Variants in MYRIP observed in about 807,000 individuals in gnomAD.
MYRIP encodes rab effector MyRIP.
In MYRIP, 49 loss-of-function variants were observed where a neutral mutation model predicts 98.0. The ratio of observed to expected loss-of-function variants is 0.50; its 90% CI spans 0.40 to 0.63. The LOEUF (loss-of-function observed/expected upper bound fraction) is 0.63. Ranked by LOEUF, MYRIP falls within the 30% of genes least tolerant of loss-of-function variation. The pLI is 0.00. For missense variants in MYRIP, 1,004 were observed against 1,058.2 expected (o/e 0.95, Z 0.71); for synonymous variants, 404 against 409.5 (o/e 0.99, Z 0.16).
intron 3 of MYRIP, among the ~76,000 whole-genome samples, chr3:40,080,791 C>CTT (rs34610302): frequency 0.012 from 1,126 of 93,374 alleles, 2 homozygotes; most frequent in Non-Finnish European, 0.015. Flanking sequence ...ATCCTAACTT[C>CTT]TTTTTTTTTT....
At chr3:40,141,725 T>C (rs1352944427) in intron 3 of MYRIP, among the ~76,000 whole-genome samples, 6 of 152,212 alleles carry the variant, frequency 3.9e-5, no homozygotes, top group African/African-American at 1.4e-4. Flanking sequence ...TGAGTGTTCT[T>C]GGCACCTTTA....
At chr3:40,046,462 A>G (rs890830059) in intron 3 of MYRIP, among the ~76,000 whole-genome samples, 8 of 151,472 alleles carry the variant, frequency 5.3e-5, no homozygotes, top group Admixed American at 5.3e-4. Context: ...CGATGTTTAT[A>G]GCAGCCAGAT....
chr3:40,116,790 A>G (rs2125906932), intron 3 of MYRIP, among the ~76,000 whole-genome samples: 1 of 152,370 alleles, frequency 6.6e-6, no homozygotes, highest in East Asian at 1.9e-4. Context: ...TTTGGGGTGT[A>G]TCCCAAAAAC....
chr3:40,018,081 A>G (rs1195066921), intron 2 of MYRIP, among the ~76,000 whole-genome samples: 2 of 152,200 alleles, frequency 1.3e-5, no homozygotes, highest in Non-Finnish European at 2.9e-5. Flanking sequence ...CAAGATGTAC[A>G]TGAATTAGTG....
At chr3:39,949,258 T>C (rs1944960752) in intron 2 of MYRIP, among the ~76,000 whole-genome samples, 1 of 152,164 alleles carries the variant, frequency 6.6e-6, no homozygotes, top group Non-Finnish European at 1.5e-5. Context: ...CTAGCTTGTC[T>C]AAAAGCATAT....
chr3:40,076,747 T>C (rs1948351203), intron 3 of MYRIP, among the ~76,000 whole-genome samples: 1 of 152,022 alleles, frequency 6.6e-6, no homozygotes, highest in Admixed American at 6.6e-5. Context: ...ATTCTGTTTC[T>C]AGAAAAAAGG....
chr3:40,208,552 G>A (rs952894681), intron 10 of MYRIP, among the ~76,000 whole-genome samples: 3 of 152,180 alleles, frequency 2.0e-5, no homozygotes, highest in African/African-American at 7.2e-5. Context: ...TTCAGCAAGT[G>A]GAGAGTTGGA....
At chr3:40,061,338 G>T (rs1190896073) in intron 3 of MYRIP, among the ~76,000 whole-genome samples, 1 of 152,168 alleles carries the variant, frequency 6.6e-6, no homozygotes, top group Non-Finnish European at 1.5e-5. Flanking sequence ...TGTGGTATTT[G>T]GTTTTCTGTT....
Position 40,190,086 on chromosome 3 carries a change from A to G in MYRIP, c.1288A>G (p.Ser430Gly). Residue 430 changes from serine (S) to glycine (G), a missense_variant, in exon 10 of 17, where the codon AGC becomes GGC. Transcript: ENST00000302541. ...NPQPQPTQAQSSDQGPIAASP... is the reference protein window; with the variant it reads ...NPQPQPTQAQGSDQGPIAASP... ...CCAGCCTCAGCCCACACAGGCCCAGAGCTCTGACCAAGGCCCCATAGCTGC... is the reference window on the plus strand; with the variant it reads ...CCAGCCTCAGCCCACACAGGCCCAGGGCTCTGACCAAGGCCCCATAGCTGC... 6.2e-7 allele frequency: 1 copy of G among 1,613,884 alleles called. No homozygotes were observed. The highest frequency in any genetic ancestry group is 8.5e-7 in the Non-Finnish European group (1 of 1,179,896).
intron 3 of MYRIP, among the ~76,000 whole-genome samples, chr3:40,102,311 T>C (rs1040118739): frequency 1.3e-5 from 2 of 152,200 alleles, no homozygotes; most frequent in African/African-American, 4.8e-5. Context: ...GCATTCTCAC[T>C]TCCAAAGGTA....
chr3:40,250,608 C>A, intron 15 of MYRIP, 109 bp downstream of exon 15: 1 of 1,253,988 alleles, frequency 8.0e-7, no homozygotes, highest in Non-Finnish European at 1.1e-6. Context: ...AGTGTTCTCA[C>A]ACAGAATTGC....
At chr3:40,029,389 G>C (rs1272515858) in intron 2 of MYRIP, among the ~76,000 whole-genome samples, 1 of 152,072 alleles carries the variant, frequency 6.6e-6, no homozygotes, top group Non-Finnish European at 1.5e-5. Flanking sequence ...CAATAATCAG[G>C]CAACAAATAA....
chr3:40,193,888 T>A (rs551427787), intron 10 of MYRIP, among the ~76,000 whole-genome samples: 9 of 33,712 alleles, frequency 2.7e-4, no homozygotes, highest in Middle Eastern at 0.062. Flanking sequence ...TTTACATTTA[T>A]ACTTTTTTTA....
At chr3:40,097,872 G>T (rs76761331) in intron 3 of MYRIP, among the ~76,000 whole-genome samples, 10,674 of 152,246 alleles carry the variant, frequency 0.07, 451 homozygotes, top group East Asian at 0.22. Flanking sequence ...AGCAACAGGG[G>T]TGGAAAATGA....
chr3:40,251,794 C>A, intron 15 of MYRIP, 87 bp from the exon 16 acceptor site: 1 of 855,570 alleles, frequency 1.2e-6, no homozygotes, highest in Non-Finnish European at 2.0e-6. Flanking sequence ...GAACAAAAGT[C>A]TGAGTAATCT....
chr3:40,034,945 T>C (rs1947344361), intron 2 of MYRIP, among the ~76,000 whole-genome samples: 1 of 150,816 alleles, frequency 6.6e-6, no homozygotes, highest in Non-Finnish European at 1.5e-5. Flanking sequence ...AAATTGGAAA[T>C]CATCATTCTC....
At chr3:40,126,970 A>C (rs1949537487) in intron 3 of MYRIP, among the ~76,000 whole-genome samples, 1 of 152,180 alleles carries the variant, frequency 6.6e-6, no homozygotes, top group Admixed American at 6.5e-5. Context: ...TCATTGAGGG[A>C]AACTACCTGC....
chr3:40,138,827 T>TAC (rs1286753233), intron 3 of MYRIP, among the ~76,000 whole-genome samples: 2 of 152,214 alleles, frequency 1.3e-5, no homozygotes, highest in Non-Finnish European at 2.9e-5. Flanking sequence ...TCAGAAACAT[T>TAC]CAATACTCTC....
At chr3:40,222,650 TAG>T (rs1952371017) in intron 11 of MYRIP, among the ~76,000 whole-genome samples, 1 of 150,754 alleles carries the variant, frequency 6.6e-6, no homozygotes, top group Admixed American at 6.6e-5. Context: ...TTCAACATTG[TAG>T]AGAGGGTTTA....
Sources: gnomAD v4.1 joint callset for allele counts (sites outside exome capture counted in the v4.1 genomes callset) on GRCh38, gnomAD v4.1.1 for gene constraint, MANE v1.5 for transcripts, NCBI Gene and HGNC (gene_info 2026-07-23, HGNC 2026-07-21) for gene names.